PELI1: variants seen among roughly 807,000 people sequenced by gnomAD.
The protein encoded by PELI1 is E3 ubiquitin-protein ligase pellino homolog 1.
Under a neutral mutation model 41.3 loss-of-function variants are expected in PELI1, and 15 were observed. The observed-to-expected ratio is 0.36, with a 90% CI of 0.24 to 0.56. The LOEUF is 0.56. Among genes scored for constraint, PELI1 ranks in the 20% least tolerant of loss-of-function variants. The pLI, the probability that PELI1 is intolerant of heterozygous loss-of-function variation, is 0.82. For synonymous variants in PELI1, 178 were observed against 180.1 expected (o/e 0.99, Z 0.09); for missense variants, 403 against 525.5 (o/e 0.77, Z 2.28).
chr2:64,105,749 C>G lies in PELI1; in HGVS notation c.72-919G>C, dbSNP rs17028389. Reference sequence around the variant, plus strand: ...GTCATTCTTTACTGCTTCATTGAGGCATGAGCAGTAGCTTAATAATAATCT... The same window carrying G: ...GTCATTCTTTACTGCTTCATTGAGGGATGAGCAGTAGCTTAATAATAATCT... On this transcript the variant is annotated intron_variant, in intron 2 of 6. Transcript: ENST00000358912. 3.9e-3 allele frequency among the ~76,000 whole-genome samples: 593 copies of G among 152,306 alleles called. 5 individuals are homozygous for G. The highest frequency in any genetic ancestry group is 0.014 in the African/African-American group (572 of 41,572).
At chr2:64,098,000 C>T (rs1680302202) in intron 4 of PELI1, among the ~76,000 whole-genome samples, 1 of 151,978 alleles carries the variant, frequency 6.6e-6, no homozygotes, top group Admixed American at 6.6e-5. Context: ...AAGATATAGG[C>T]CAAGGATTGA....
At chr2:64,129,673 T>G (rs1478084886) in intron 1 of PELI1, among the ~76,000 whole-genome samples, 1 of 152,092 alleles carries the variant, frequency 6.6e-6, no homozygotes, top group Admixed American at 6.5e-5. Context: ...AAGACCATTC[T>G]TTTAAAGTCA....
intron 2 of PELI1, among the ~76,000 whole-genome samples, chr2:64,105,623 C>T (rs1250185856): frequency 6.6e-6 from 1 of 152,062 alleles, no homozygotes; most frequent in African/African-American, 2.4e-5. Flanking sequence ...AATCACTGTC[C>T]CCATTTTTGT....
At chr2:64,126,652 T>A (rs773605420) in intron 1 of PELI1, among the ~76,000 whole-genome samples, 4 of 152,192 alleles carry the variant, frequency 2.6e-5, no homozygotes, top group Non-Finnish European at 4.4e-5. Context: ...ATTAAATCAG[T>A]ATAGAACAGA....
chr2:64,138,112 TG>T (rs201025655), intron 1 of PELI1, among the ~76,000 whole-genome samples: 237 of 152,274 alleles, frequency 1.6e-3, no homozygotes, highest in African/African-American at 5.4e-3. Flanking sequence ...TGTTTTGTTT[TG>T]TTTTTTTTAG....
At chr2:64,104,397 T>G (rs890663962) in intron 3 of PELI1, among the ~76,000 whole-genome samples, 4 of 152,216 alleles carry the variant, frequency 2.6e-5, no homozygotes, top group Non-Finnish European at 5.9e-5. Flanking sequence ...GGCAGACAGC[T>G]GCATAATTCT....
Position 64,126,940 on chromosome 2 carries a change from A to G in PELI1, c.-70+17141T>C, listed in dbSNP as rs1367538138. 8.5e-5 allele frequency among the ~76,000 whole-genome samples: 13 copies of G among 152,350 alleles called. No homozygotes were observed. In the East Asian group the frequency reaches 2.5e-3, roughly 29 times the overall value. On this transcript the variant is annotated intron_variant, in intron 1 of 6. Transcript: ENST00000358912. Reference sequence around the variant, plus strand: ...GAGTTTGGTTAGGAGATAAATAAAAAGTAAGTTTGTGGAAATCATGAACCA... The same window carrying G: ...GAGTTTGGTTAGGAGATAAATAAAAGGTAAGTTTGTGGAAATCATGAACCA...
At chr2:64,097,878 A>G (rs1219549710) in intron 4 of PELI1, among the ~76,000 whole-genome samples, 6 of 152,238 alleles carry the variant, frequency 3.9e-5, no homozygotes, top group Non-Finnish European at 7.3e-5. Flanking sequence ...GTTAACAAAT[A>G]TAAGATTGGA....
In PELI1 at chr2:64,096,474, G is replaced by A. The variant is rs778315928; in HGVS notation, c.440C>T (p.Pro147Leu). The change falls in exon 5 of 7, where the codon CCT (proline) becomes CTT (leucine). Residue 147 changes from proline (P) to leucine (L), a missense_variant. Physicochemically the swap from Pro to Leu is moderately conservative, Grantham distance 98 (BLOSUM62 -3). Transcript: ENST00000358912. ...FACRIICERN[P>L]PFTARIYAAG... ...AGCATAAATCCGTGCTGTAAAGGGA[G>A]GATTCCGTTCACATATGATTCTGCA... The A allele has an allele frequency of 1.2e-6, 2 of 1,613,536 alleles. No individual in the cohort carries two copies. The highest frequency in any genetic ancestry group is 2.7e-5 in the African/African-American group (2 of 75,028).
At chr2:64,137,866 C>G (rs929780284) in intron 1 of PELI1, among the ~76,000 whole-genome samples, 4 of 151,480 alleles carry the variant, frequency 2.6e-5, no homozygotes, top group African/African-American at 9.7e-5. Flanking sequence ...GCTTAGACGA[C>G]AAAAAAAATT....
intron 3 of PELI1, 75 bp downstream of exon 3, chr2:64,104,626 G>T: frequency 6.8e-7 from 1 of 1,462,140 alleles, no homozygotes; most frequent in South Asian, 1.5e-5. Context: ...GGGAATGCTA[G>T]AGAATACAAA....
At chr2:64,125,209 T>C (rs1463818252) in intron 1 of PELI1, among the ~76,000 whole-genome samples, 1 of 152,132 alleles carries the variant, frequency 6.6e-6, no homozygotes, top group Non-Finnish European at 1.5e-5. Flanking sequence ...CTCTGTCCCT[T>C]TCCCAGAGGT....
intron 1 of PELI1, among the ~76,000 whole-genome samples, chr2:64,140,381 C>T (rs753282246): frequency 4.6e-5 from 7 of 152,084 alleles, no homozygotes; most frequent in Admixed American, 2.0e-4. Flanking sequence ...TACAAGAGTA[C>T]TATGTAGAAC....
At chr2:64,128,124 G>T (rs1468510195) in intron 1 of PELI1, among the ~76,000 whole-genome samples, 1 of 152,156 alleles carries the variant, frequency 6.6e-6, no homozygotes, top group Admixed American at 6.5e-5. Flanking sequence ...ATTCGAAGGT[G>T]TGTACAGGGG....
chr2:64,103,123 TG>T (rs1558474052), intron 3 of PELI1, among the ~76,000 whole-genome samples: 2 of 152,110 alleles, frequency 1.3e-5, no homozygotes, highest in African/African-American at 4.8e-5. Flanking sequence ...ATTATAGGTG[TG>T]AGCTACCGCA....
chr2:64,100,048 A>G (rs1313347492), intron 4 of PELI1, among the ~76,000 whole-genome samples: 2 of 152,148 alleles, frequency 1.3e-5, no homozygotes, highest in Admixed American at 6.5e-5. Context: ...GATAATAGCT[A>G]CTATTCACTA....
intron 1 of PELI1, among the ~76,000 whole-genome samples, chr2:64,122,218 T>C (rs896774359): frequency 6.6e-4 from 100 of 151,818 alleles, no homozygotes; most frequent in African/African-American, 2.4e-3. Context: ...TCCCCTACTC[T>C]TCCATATCCT....
rs1322002967 is a variant in PELI1 at position 64,095,281 on chromosome 2, A to T, written c.691-13T>A. On this transcript the variant is annotated splice_polypyrimidine_tract_variant and intron_variant, in intron 6 of 6. Transcript: ENST00000358912. ...TTTCAATTTCCACCTAGAGGAGACA[A>T]GAGTTGAAAAACATATTCACCACTC... The T allele has an allele frequency of 1.7e-5, 27 of 1,589,532 alleles. No individual in the cohort carries two copies. The highest frequency in any genetic ancestry group is 2.2e-5 in the Non-Finnish European group (25 of 1,158,934).
intron 1 of PELI1, among the ~76,000 whole-genome samples, chr2:64,129,943 G>A (rs1394019628): frequency 6.6e-6 from 1 of 152,198 alleles, no homozygotes; most frequent in African/African-American, 2.4e-5. Context: ...CCTCTCCAGA[G>A]ACACAATGTA....
Sources: allele counts gnomAD v4.1 joint callset (sites outside exome capture counted in the v4.1 genomes callset), GRCh38; gene constraint gnomAD v4.1.1; transcripts MANE v1.5; gene names NCBI Gene and HGNC (gene_info 2026-07-23, HGNC 2026-07-21).